Variants in HFM1 observed in about 807,000 individuals in gnomAD.
The protein encoded by HFM1 is probable ATP-dependent DNA helicase HFM1.
In HFM1, 169 loss-of-function variants were observed where a neutral mutation model predicts 192.1. The ratio of observed to expected loss-of-function variants is 0.88; its 90% confidence interval spans 0.78 to 1.00. The LOEUF (loss-of-function observed/expected upper bound fraction) is 1.00, where lower values mean the gene tolerates loss of function less well. HFM1 is among the 50% of genes least tolerant of loss of function. The probability of loss-of-function intolerance (pLI) is 0.00; values close to 1 mark genes in which losing one functional copy is unlikely to be tolerated. For missense variants in HFM1, 1,661 were observed against 1,668.0 expected, an observed-to-expected ratio of 1.00 and a Z score of 0.07; for synonymous variants, 525 against 537.8, an observed-to-expected ratio of 0.98 and a Z score of 0.33.
chr1:91,324,320 T>G (rs2101370633), intron 21 of HFM1, among the ~76,000 whole-genome samples: 1 of 152,350 alleles, frequency 6.6e-6, no homozygotes, highest in Middle Eastern at 3.4e-3. Context: ...TAGACTTTCC[T>G]AATATATCAC....
intron 30 of HFM1, among the ~76,000 whole-genome samples, chr1:91,312,555 A>G (rs1327134488): frequency 6.6e-6 from 1 of 152,180 alleles, no homozygotes; most frequent in Admixed American, 6.5e-5. Flanking sequence ...TATTTACCCA[A>G]TATCTGTACC....
chr1:91,401,522 CA>C, intron 1 of HFM1, among the ~76,000 whole-genome samples: 1 of 152,290 alleles, frequency 6.6e-6, no homozygotes, highest in East Asian at 1.9e-4. Flanking sequence ...CAAGTTAGGA[CA>C]GCACATTTTA....
intron 20 of HFM1, among the ~76,000 whole-genome samples, chr1:91,340,706 C>T (rs1294256497): frequency 1.3e-5 from 2 of 152,084 alleles, no homozygotes; most frequent in Admixed American, 1.3e-4. Flanking sequence ...TCAAGAGACC[C>T]ATCTCATATG....
intron 30 of HFM1, among the ~76,000 whole-genome samples, chr1:91,302,688 A>C (rs981152961): frequency 6.6e-6 from 1 of 151,858 alleles, no homozygotes; most frequent in African/African-American, 2.4e-5. Flanking sequence ...CAAGGACAAA[A>C]AACCAAACAC....
At chr1:91,328,622 C>T (rs953673065) in intron 20 of HFM1, 3 of 1,597,232 alleles carry the variant, frequency 1.9e-6, no homozygotes, top group Non-Finnish European at 2.6e-6. Flanking sequence ...GGCATCAAGC[C>T]CATGTATGTC....
chr1:91,309,555 A>G (rs1177886465), intron 30 of HFM1, among the ~76,000 whole-genome samples: 1 of 152,222 alleles, frequency 6.6e-6, no homozygotes, highest in Admixed American at 6.5e-5. Flanking sequence ...GATACAGCCT[A>G]AGAACAAAAA....
At chr1:91,372,632 T>A (rs1465977673) in intron 13 of HFM1, among the ~76,000 whole-genome samples, 8 of 152,148 alleles carry the variant, frequency 5.3e-5, no homozygotes, top group African/African-American at 1.9e-4. Flanking sequence ...ATATCCCTAA[T>A]GTTAAATGAT....
chr1:91,309,912 T>A (rs1178969448), intron 30 of HFM1, among the ~76,000 whole-genome samples: 1 of 151,928 alleles, frequency 6.6e-6, no homozygotes, highest in African/African-American at 2.4e-5. Flanking sequence ...CAGATTGTGA[T>A]CTCTGAAAAC....
chr1:91,295,953 C>T (rs183662305), intron 30 of HFM1, among the ~76,000 whole-genome samples: 62 of 151,756 alleles, frequency 4.1e-4, no homozygotes, highest in East Asian at 1.4e-3. Context: ...TTTTTTGAGA[C>T]GGAGTCTCAC....
rs575891422 is a variant in HFM1 at position 91,390,688 on chromosome 1, C to T, written c.494+3405G>A. ...AAACTGGAAGCATTCCCTTTGAAAA[C>T]TGGCACAAGACAGGGATGCCCTCTC... is the stretch of plus-strand genomic sequence containing the variant. On this transcript the variant is annotated intron_variant, in intron 4 of 38. Coordinates refer to ENST00000370425, the MANE Select transcript of HFM1 (RefSeq NM_001017975.6). Among the ~76,000 whole-genome samples, 6 of 152,244 alleles carry T rather than the reference C, an allele frequency of 3.9e-5. No individual in the cohort carries two copies. In the East Asian group the frequency reaches 1.2e-3, roughly 29 times the overall value.
At chr1:91,360,660 T>C (rs1658372955) in intron 13 of HFM1, among the ~76,000 whole-genome samples, 1 of 152,100 alleles carries the variant, frequency 6.6e-6, no homozygotes, top group African/African-American at 2.4e-5. Flanking sequence ...AACAAAGATA[T>C]TCAGGACCTG....
At chr1:91,306,225 G>A (rs1402710538) in intron 30 of HFM1, among the ~76,000 whole-genome samples, 4 of 152,000 alleles carry the variant, frequency 2.6e-5, no homozygotes, top group Admixed American at 6.6e-5. Flanking sequence ...CCCAGCACTC[G>A]GGAGGCTGAG....
chr1:91,364,382 G>T (rs1658941718), intron 13 of HFM1, among the ~76,000 whole-genome samples: 1 of 151,552 alleles, frequency 6.6e-6, no homozygotes, highest in South Asian at 2.1e-4. Flanking sequence ...ATAGTATTGA[G>T]ATTTCTAAAG....
intron 13 of HFM1, among the ~76,000 whole-genome samples, chr1:91,365,362 C>A (rs1181045937): frequency 6.6e-6 from 1 of 151,454 alleles, no homozygotes; most frequent in Non-Finnish European, 1.5e-5. Flanking sequence ...GATTTAGCTG[C>A]TCTTGTCAAA....
intron 33 of HFM1, among the ~76,000 whole-genome samples, 182 bp downstream of exon 33, chr1:91,274,548 T>G (rs176019): frequency 1 from 151,994 of 152,180 alleles, 75,904 homozygotes; most frequent in East Asian, 1. Context: ...TGCAGAGTTC[T>G]AAATAAATTT....
rs754076804 is a variant in HFM1 at position 91,262,469 on chromosome 1, GCTT to G, written c.4086+9_4086+11del. 3 of 1,563,590 alleles carry G rather than the reference GCTT, an allele frequency of 1.9e-6. No homozygotes were observed. The highest frequency in any genetic ancestry group is 1.2e-5 in the South Asian group (1 of 86,762). On this transcript the variant is annotated intron_variant, in intron 37 of 38. Coordinates refer to ENST00000370425, the MANE Select transcript of HFM1 (RefSeq NM_001017975.6). ...AAATTTAAAAGAAAAACAAAGAAGT[GCTT>G]CTTCTTACAATAACTGCATTTCCGG...
At chr1:91,346,165 T>G (rs572493757) in intron 19 of HFM1, among the ~76,000 whole-genome samples, 7 of 152,338 alleles carry the variant, frequency 4.6e-5, no homozygotes, top group African/African-American at 1.7e-4. Flanking sequence ...TTCAGTTATA[T>G]TTAGCTATTC....
chr1:91,300,582 C>T (rs937346414), intron 30 of HFM1, among the ~76,000 whole-genome samples: 1 of 152,132 alleles, frequency 6.6e-6, no homozygotes, highest in African/African-American at 2.4e-5. Flanking sequence ...AAAGCTTATC[C>T]ACCATGATCA....
At chr1:91,407,203 G>A (rs1024762681), upstream of HFM1, among the ~76,000 whole-genome samples, 6 of 151,918 alleles carry the variant, frequency 3.9e-5, no homozygotes, top group African/African-American at 7.3e-5. Flanking sequence ...ACTGGGGCCC[G>A]TTGGGGGGTG....
Sources: gnomAD v4.1 joint callset for allele counts (sites outside exome capture counted in the v4.1 genomes callset) on GRCh38, gnomAD v4.1.1 for gene constraint, MANE v1.5 for transcripts, NCBI Gene and HGNC (gene_info 2026-07-23, HGNC 2026-07-21) for gene names.